Variants in TRIM5 observed in about 807,000 individuals in gnomAD.
The protein encoded by TRIM5 is tripartite motif containing 5.
A neutral mutation model predicts 35.6 loss-of-function variants in TRIM5; 31 were observed. The ratio of observed to expected loss-of-function variants is 0.87; its 90% CI spans 0.65 to 1.18. The LOEUF is 1.18. TRIM5 is among the 50% of genes most tolerant of loss of function. The pLI is 0.00. For synonymous variants in TRIM5, 243 were observed against 215.6 expected, an observed-to-expected ratio of 1.13 and a Z score of -1.11; for missense variants, 609 against 591.6, an observed-to-expected ratio of 1.03 and a Z score of -0.31.
chr11:5,665,602 A>G (rs1454381998), intron 7 of TRIM5, 54 bp downstream of exon 7: 1 of 1,583,096 alleles, frequency 6.3e-7, no homozygotes, highest in East Asian at 2.2e-5. Context: ...AAAGATAAAG[A>G]TAATAATAAT....
chr11:5,679,653 C>G lies in TRIM5; in HGVS notation c.417+108G>C. On this transcript the variant is annotated intron_variant, in intron 2 of 7. Coordinates refer to ENST00000380034, the MANE Select transcript of TRIM5 (RefSeq NM_033034.3). ...TAAGCATAGCATGAAAAAAATAATC[C>G]CGGGTCTCAGGTCTATCATGACAAG... 3 of 1,220,434 alleles carry G rather than the reference C, an allele frequency of 2.5e-6. No homozygotes were observed. The South Asian group carries it at 5.1e-5, about 21-fold the overall frequency. 75.6% of individuals were successfully genotyped at this position (1,220,434 alleles called of 1,614,324 possible).
the TRIM5 span, chr11:5,612,550 T>A: frequency 1.3e-5 from 2 of 152,174 alleles, no homozygotes; most frequent in African/African-American, 4.8e-5. Flanking sequence ...ATAAAGCACT[T>A]AAAGGAAGAG....
downstream of TRIM5, chr11:5,663,153 C>A (rs200684291): frequency 1.4e-6 from 1 of 723,984 alleles, no homozygotes; most frequent in Non-Finnish European, 1.6e-6. Flanking sequence ...AACAAACAAA[C>A]AAACAAAAAA....
At position 5,664,333 on chromosome 11, in the gene TRIM5, A is replaced by G. The variant is rs907840870; in HGVS notation, c.*476T>C. On this transcript the variant is annotated 3_prime_UTR_variant, in exon 8 of 8. Transcript: ENST00000380034. ...GAGATCCTCTAGATACAAAACCTCTATACTTAAGAGTATACCATTTATGAT... is the reference window on the plus strand; with the variant it reads ...GAGATCCTCTAGATACAAAACCTCTGTACTTAAGAGTATACCATTTATGAT... 1.5e-5 allele frequency: 15 copies of G among 989,238 alleles called. No individual in the cohort carries two copies. The highest frequency in any genetic ancestry group is 1.7e-5 in the African/African-American group (1 of 57,262). The allele number at this position is 989,238 out of a possible 1,614,324, so 61.3% of individuals were successfully genotyped here.
chr11:5,633,582 A>G, the TRIM5 span, among the ~76,000 whole-genome samples: 2 of 152,244 alleles, frequency 1.3e-5, no homozygotes, highest in Non-Finnish European at 2.9e-5. Flanking sequence ...GGAAAGACAG[A>G]ATCAGGCTAC....
chr11:5,645,156 C>G, the TRIM5 span, among the ~76,000 whole-genome samples: 1 of 152,120 alleles, frequency 6.6e-6, no homozygotes, highest in Non-Finnish European at 1.5e-5. Context: ...CTTTGGGAGG[C>G]CGAGAAGAGA....
At chr11:5,634,726 G>T in the TRIM5 span, 1 of 1,614,048 alleles carries the variant, frequency 6.2e-7, no homozygotes, top group Admixed American at 1.7e-5. Context: ...TGCAAAGATT[G>T]GAAGAAGAAG....
At chr11:5,670,170 CTTTTTTTTTTTTTT>C (rs3060972) in intron 4 of TRIM5, among the ~76,000 whole-genome samples, 5 of 60,210 alleles carry the variant, frequency 8.3e-5, no homozygotes, top group African/African-American at 2.9e-4. Context: ...AGATGCCCAT[CTTTTTTTTTTTTTT>C]TTTTTTTTTT....
chr11:5,647,933 T>A, the TRIM5 span, among the ~76,000 whole-genome samples: 1 of 152,040 alleles, frequency 6.6e-6, no homozygotes, highest in East Asian at 1.9e-4. Flanking sequence ...ATCCACACAC[T>A]CTGTGACTCT....
intron 4 of TRIM5, among the ~76,000 whole-genome samples, chr11:5,668,745 C>T (rs12808061): frequency 1.3e-5 from 2 of 152,038 alleles, no homozygotes; most frequent in Non-Finnish European, 2.9e-5. Context: ...CCACGACACC[C>T]GGCCTACGTA....
the TRIM5 span, among the ~76,000 whole-genome samples, chr11:5,652,376 C>A: frequency 6.6e-6 from 1 of 152,196 alleles, no homozygotes; most frequent in Non-Finnish European, 1.5e-5. Flanking sequence ...TTTCAATCTT[C>A]TGCATATGGC....
At chr11:5,604,679 T>C in the TRIM5 span, 23 of 1,582,342 alleles carry the variant, frequency 1.5e-5, no homozygotes, top group East Asian at 4.9e-4. Flanking sequence ...TCATGGCAGG[T>C]CATAGGAGCT....
the TRIM5 span, chr11:5,634,524 CACACACATATATATAT>C: frequency 7.4e-6 from 5 of 676,796 alleles, no homozygotes; most frequent in African/African-American, 1.1e-4. Context: ...CACACACACA[CACACACATATATATAT>C]ATATATATTT....
the TRIM5 span, among the ~76,000 whole-genome samples, chr11:5,648,795 A>G: frequency 1.3e-5 from 2 of 152,210 alleles, no homozygotes; most frequent in African/African-American, 4.8e-5. Flanking sequence ...TTTTTCTCCA[A>G]ACATGTATGA....
At chr11:5,654,635 G>C in the TRIM5 span, among the ~76,000 whole-genome samples, 1 of 152,050 alleles carries the variant, frequency 6.6e-6, no homozygotes, top group African/African-American at 2.4e-5. Flanking sequence ...GGTGAGTGTG[G>C]GTTTGTACCA....
At chr11:5,681,039 G>C (rs1349624904) in intron 1 of TRIM5, among the ~76,000 whole-genome samples, 5 of 152,222 alleles carry the variant, frequency 3.3e-5, no homozygotes, top group Non-Finnish European at 7.3e-5. Context: ...GTTCTGAGGA[G>C]TCTCATCCTG....
chr11:5,657,989 G>T, the TRIM5 span, among the ~76,000 whole-genome samples: 1 of 151,840 alleles, frequency 6.6e-6, no homozygotes, highest in African/African-American at 2.4e-5. Context: ...TGAGAGGGGT[G>T]CAGGGAAGTG....
the TRIM5 span, chr11:5,605,142 A>G: frequency 4.7e-5 from 33 of 703,948 alleles, no homozygotes; most frequent in African/African-American, 2.7e-4. Flanking sequence ...CCCGGGGCCA[A>G]TGGTCTGGGC....
At chr11:5,661,951 A>G (rs1262408217), downstream of TRIM5, among the ~76,000 whole-genome samples, 1 of 152,200 alleles carries the variant, frequency 6.6e-6, no homozygotes, top group East Asian at 1.9e-4. Context: ...CCAGGAAATG[A>G]AAAGGCATTA....
Sources: gnomAD v4.1 joint callset for allele counts (sites outside exome capture counted in the v4.1 genomes callset) on GRCh38, gnomAD v4.1.1 for gene constraint, MANE v1.5 for transcripts, NCBI Gene and HGNC (gene_info 2026-07-23, HGNC 2026-07-21) for gene names.